Variants in TANC2 observed in about 807,000 individuals in gnomAD.
The protein encoded by TANC2 is protein TANC2.
In TANC2, 26 loss-of-function variants were observed where a neutral mutation model predicts 210.5. The ratio of observed to expected loss-of-function variants is 0.12; its 90% CI spans 0.09 to 0.17. The LOEUF (loss-of-function observed/expected upper bound fraction) is 0.17, where lower values mean the gene tolerates loss of function less well. Among genes scored for constraint, TANC2 ranks in the 10% least tolerant of loss-of-function variants. The probability of loss-of-function intolerance (pLI) is 1.00; values close to 1 mark genes in which losing one functional copy is unlikely to be tolerated. For missense variants in TANC2, 2,129 were observed against 2,608.9 expected (o/e 0.82, Z 4.01); for synonymous variants, 931 against 967.1 (o/e 0.96, Z 0.69).
intron 9 of TANC2, among the ~76,000 whole-genome samples, chr17:63,300,850 T>A (rs546687777): frequency 6.6e-6 from 1 of 152,228 alleles, no homozygotes; most frequent in Non-Finnish European, 1.5e-5. Context: ...ATCCTTGTCT[T>A]GTGCCGGTTT....
At chr17:63,116,297 TAGAG>T (rs750074872) in intron 4 of TANC2, among the ~76,000 whole-genome samples, 1 of 152,202 alleles carries the variant, frequency 6.6e-6, no homozygotes, top group Admixed American at 6.5e-5. Context: ...CAGAAGACTA[TAGAG>T]AGAGTACCAT....
intron 6 of TANC2, among the ~76,000 whole-genome samples, chr17:63,195,634 T>A (rs556993145): frequency 6.6e-6 from 1 of 152,284 alleles, no homozygotes; most frequent in African/African-American, 2.4e-5. Context: ...CTGTCATTAC[T>A]AGGTGCACAG....
chr17:63,332,516 G>T, intron 11 of TANC2: 1 of 394,394 alleles, frequency 2.5e-6, no homozygotes, highest in Non-Finnish European at 5.0e-6. Flanking sequence ...CAGCCCCACT[G>T]GATTTAGAAA....
intron 12 of TANC2, among the ~76,000 whole-genome samples, chr17:63,347,967 G>T (rs569480263): frequency 2.3e-4 from 35 of 152,040 alleles, no homozygotes; most frequent in Non-Finnish European, 4.4e-4. Context: ...AGTGTCTCAC[G>T]ATGTTGCCCA....
intron 8 of TANC2, 52 bp from the exon 9 acceptor site, chr17:63,267,696 A>C: frequency 6.3e-7 from 1 of 1,587,698 alleles, no homozygotes; most frequent in East Asian, 2.3e-5. Context: ...AGACTAGCTG[A>C]AAGACATTTT....
intron 18 of TANC2, among the ~76,000 whole-genome samples, chr17:63,398,038 C>T (rs999037268): frequency 6.6e-6 from 1 of 152,130 alleles, no homozygotes. Context: ...CAGTCAAATT[C>T]CCAGAAACAG....
chr17:63,058,126 C>T (rs1276444178), intron 2 of TANC2, among the ~76,000 whole-genome samples: 1 of 152,128 alleles, frequency 6.6e-6, no homozygotes, highest in African/African-American at 2.4e-5. Flanking sequence ...AATAGGCATT[C>T]TGACTGTGTG....
chr17:63,129,615 T>C (rs2038844769), intron 4 of TANC2, among the ~76,000 whole-genome samples: 1 of 152,152 alleles, frequency 6.6e-6, no homozygotes, highest in African/African-American at 2.4e-5. Flanking sequence ...TAGTCCCAGC[T>C]ACTTGGGAGG....
intron 1 of TANC2, among the ~76,000 whole-genome samples, chr17:62,993,977 A>G (rs1337118024): frequency 6.6e-6 from 1 of 152,098 alleles, no homozygotes; most frequent in African/African-American, 2.4e-5. Flanking sequence ...TGTCCTGCCA[A>G]TTTGCTGAAT....
chr17:63,087,385 C>A (rs2037011445), intron 3 of TANC2, among the ~76,000 whole-genome samples: 1 of 152,110 alleles, frequency 6.6e-6, no homozygotes, highest in Admixed American at 6.6e-5. Context: ...TGTGCCCCTT[C>A]CCTATGAACT....
intron 4 of TANC2, among the ~76,000 whole-genome samples, chr17:63,110,622 G>A (rs2037999834): frequency 6.6e-6 from 1 of 152,256 alleles, no homozygotes; most frequent in Non-Finnish European, 1.5e-5. Context: ...ACACCTGAGG[G>A]AAGATGGAGG....
intron 2 of TANC2, among the ~76,000 whole-genome samples, chr17:63,038,770 T>G (rs1243211275): frequency 6.6e-6 from 1 of 152,192 alleles, no homozygotes; most frequent in Admixed American, 6.5e-5. Flanking sequence ...AAGGTGTATT[T>G]AAAAGACCAG....
chr17:63,382,136 A>G (rs1229521436), intron 15 of TANC2, among the ~76,000 whole-genome samples: 5 of 152,256 alleles, frequency 3.3e-5, no homozygotes, highest in East Asian at 1.9e-4. Context: ...TCAAAAGTCC[A>G]TAGTACAAGT....
Position 63,163,055 on chromosome 17 carries a change from G to C in TANC2, c.433+11675G>C, listed in dbSNP as rs571093884. Among the ~76,000 whole-genome samples, 20 of 151,798 alleles carry C rather than the reference G, an allele frequency of 1.3e-4. No individual in the cohort carries two copies. In the South Asian group the frequency reaches 4.2e-3, roughly 32 times the overall value. The stretch of plus-strand genomic sequence containing the variant: ...GATTAAAGAGGATCAAGGGAGTTGA[G>C]GGTATTTGCAAAGGAGTGATTATGG... On this transcript the variant is annotated intron_variant, in intron 5 of 27. Transcript: ENST00000689528.
At chr17:63,269,103 A>G (rs184131354) in intron 9 of TANC2, among the ~76,000 whole-genome samples, 5 of 152,290 alleles carry the variant, frequency 3.3e-5, no homozygotes, top group African/African-American at 1.2e-4. Flanking sequence ...TCCACTCTAG[A>G]CATCATTATG....
exon 8 of TANC2, chr17:63,237,910 A>G: frequency 6.3e-7 from 1 of 1,578,866 alleles, no homozygotes; most frequent in Non-Finnish European, 8.6e-7. Context: ...AAACCTTGGC[A>G]GTCTCAAAAA....
intron 2 of TANC2, among the ~76,000 whole-genome samples, chr17:63,025,864 T>TAAAATAAAATAAAATAA (rs1568327427): frequency 1.2e-4 from 15 of 129,790 alleles, no homozygotes; most frequent in African/African-American, 4.6e-4. Flanking sequence ...AAATAAAAAA[T>TAAAATAAAATAAAATAA]AAAATATCAA....
At chr17:63,423,288 G>GAT (rs1303458162) in exon 28 of TANC2, 2 of 152,126 alleles carry the variant, frequency 1.3e-5, no homozygotes, top group African/African-American at 4.8e-5. Flanking sequence ...GGGGGCATGA[G>GAT]ATAGACAGCA....
chr17:63,008,317 G>T (rs535510334), intron 1 of TANC2, among the ~76,000 whole-genome samples: 1 of 151,978 alleles, frequency 6.6e-6, no homozygotes, highest in South Asian at 2.1e-4. Context: ...TTATACATAT[G>T]TTAGAACTTT....
Sources: gnomAD v4.1 joint callset for allele counts (sites outside exome capture counted in the v4.1 genomes callset) on GRCh38, gnomAD v4.1.1 for gene constraint, MANE v1.5 for transcripts, NCBI Gene and HGNC (gene_info 2026-07-23, HGNC 2026-07-21) for gene names.